The following DPY19L3 variants were observed in gnomAD, a reference collection of about 807,000 sequenced individuals.
The protein encoded by DPY19L3 is dpy-19 like C-mannosyltransferase 3.
In DPY19L3, 51 loss-of-function variants were observed where a neutral mutation model predicts 92.3. The observed-to-expected ratio is 0.55, with a 90% CI of 0.44 to 0.70. DPY19L3 has a LOEUF of 0.70. DPY19L3 is among the 30% of genes least tolerant of loss of function. The probability of loss-of-function intolerance (pLI) is 0.00; values close to 1 mark genes in which losing one functional copy is unlikely to be tolerated. For synonymous variants in DPY19L3, 309 were observed against 315.2 expected, an observed-to-expected ratio of 0.98 and a Z score of 0.21; for missense variants, 706 against 855.9, an observed-to-expected ratio of 0.82 and a Z score of 2.18.
intron 3 of DPY19L3, among the ~76,000 whole-genome samples, chr19:32,418,922 A>G (rs1968467707): frequency 6.6e-6 from 1 of 152,162 alleles, no homozygotes; most frequent in African/African-American, 2.4e-5. Flanking sequence ...CTGAAATAGC[A>G]ACTGGAAAGT....
intron 3 of DPY19L3, chr19:32,411,766 G>A: frequency 5.0e-6 from 1 of 201,644 alleles, no homozygotes; most frequent in Non-Finnish European, 9.8e-6. Flanking sequence ...CGGGGTTTCA[G>A]CATATTGACC....
In DPY19L3 at chr19:32,439,998, T is replaced by C. The variant is rs373461582; in HGVS notation, c.855+88T>C. On this transcript the variant is annotated intron_variant, in intron 8 of 18. Coordinates refer to ENST00000392250, the MANE Select transcript of DPY19L3 (RefSeq NM_001172774.2). ...TGAGATGAAAATATGCAAGTACTTA[T>C]GGATAAAATTGAAGCTGTTTCTTAG... 225 of 1,513,252 alleles carry C rather than the reference T, an allele frequency of 1.5e-4. 3 individuals carry two copies. The East Asian group carries it at 3.6e-3, about 24-fold the overall frequency. The allele number at this position is 1,513,252 out of a possible 1,614,324, so 93.7% of individuals were successfully genotyped here.
In DPY19L3 at chr19:32,480,507, C is replaced by T; in HGVS notation, c.1939C>T (p.His647Tyr). Residue 647 changes from histidine (H) to tyrosine (Y), a missense_variant, in exon 18 of 19, where the codon CAC becomes TAC. By Grantham distance (83) the His-to-Tyr change is moderately conservative. Transcript: ENST00000392250. ...AGACAGCATCTGCTACGAGCGGAGG[C>T]ACCGCCGGGGCTGCCGACTCCGGGA... Reference protein sequence around the residue: ...LEDSICYERRHRRGCRLRDLL... With the variant: ...LEDSICYERRYRRGCRLRDLL... 1 of 1,614,214 alleles carries T rather than the reference C, an allele frequency of 6.2e-7. No homozygotes were observed. The highest frequency in any genetic ancestry group is 8.5e-7 in the Non-Finnish European group (1 of 1,180,022).
At chr19:32,409,633 G>A (rs995445632) in intron 2 of DPY19L3, among the ~76,000 whole-genome samples, 7 of 152,240 alleles carry the variant, frequency 4.6e-5, no homozygotes, top group African/African-American at 1.7e-4. Context: ...CATGGCACCA[G>A]CATCTGCCTC....
In DPY19L3 at chr19:32,482,150, CAAAAG is replaced by C; in HGVS notation, c.2065_2069del (p.Arg689ProfsTer50). On this transcript the variant is annotated frameshift_variant, in exon 19 of 19. Coordinates refer to ENST00000392250, the MANE Select transcript of DPY19L3 (RefSeq NM_001172774.2). LOFTEE classifies it high-confidence loss of function. ...ACCACCCTCGCTTCTGTGAAGAGATCAAAAGAAACCTGCCTCCCTACGTGGCCTAC... is the reference window on the plus strand; with the variant it reads ...ACCACCCTCGCTTCTGTGAAGAGATCAAACCTGCCTCCCTACGTGGCCTAC... 6.2e-7 allele frequency: 1 copy of C among 1,613,830 alleles called. No individual in the cohort carries two copies. The highest frequency in any genetic ancestry group is 1.3e-5 in the African/African-American group (1 of 75,002).
At chr19:32,438,471 T>A (rs1351625734) in intron 6 of DPY19L3, among the ~76,000 whole-genome samples, 2 of 152,152 alleles carry the variant, frequency 1.3e-5, no homozygotes, top group Admixed American at 1.3e-4. Context: ...TAGATATAGA[T>A]ACATTGTTTG....
At chr19:32,476,365 C>G (rs192226225) in intron 16 of DPY19L3, among the ~76,000 whole-genome samples, 1 of 152,094 alleles carries the variant, frequency 6.6e-6, no homozygotes, top group Admixed American at 6.5e-5. Flanking sequence ...TTCAGTCCAG[C>G]AGGCACAGAC....
At chr19:32,430,808 T>C (rs13344194) in intron 3 of DPY19L3, among the ~76,000 whole-genome samples, 2 of 122,124 alleles carry the variant, frequency 1.6e-5, no homozygotes, top group Admixed American at 8.1e-5. Flanking sequence ...TTTTTTTTTT[T>C]GTAGAGACAG....
At chr19:32,407,264 T>TCCCCCCCCCCCCCCCCCCC (rs148363125) in intron 1 of DPY19L3, among the ~76,000 whole-genome samples, 6 of 81,316 alleles carry the variant, frequency 7.4e-5, no homozygotes, top group Admixed American at 2.8e-4. Context: ...AGGCTCCTGC[T>TCCCCCCCCCCCCCCCCCCC]CCCCCCCACC....
At chr19:32,433,985 C>G (rs1348895241) in intron 4 of DPY19L3, among the ~76,000 whole-genome samples, 1 of 152,164 alleles carries the variant, frequency 6.6e-6, no homozygotes, top group Non-Finnish European at 1.5e-5. Context: ...TTAGTTGGAA[C>G]TATGTTATAT....
intron 12 of DPY19L3, among the ~76,000 whole-genome samples, chr19:32,462,564 CAAG>C (rs1970073076): frequency 6.6e-6 from 1 of 152,098 alleles, no homozygotes; most frequent in South Asian, 2.1e-4. Context: ...TACAAGTTTA[CAAG>C]AAGCATGAAA....
intron 10 of DPY19L3, among the ~76,000 whole-genome samples, chr19:32,456,031 A>G (rs1171372480): frequency 1.3e-5 from 2 of 151,990 alleles, no homozygotes; most frequent in Non-Finnish European, 2.9e-5. Flanking sequence ...GTTGACTATC[A>G]AAGAAAAAAA....
chr19:32,451,616 A>G (rs1056444488), intron 8 of DPY19L3, among the ~76,000 whole-genome samples: 2 of 152,232 alleles, frequency 1.3e-5, no homozygotes, highest in African/African-American at 2.4e-5. Flanking sequence ...ACTTGTCAGA[A>G]TGAGTATGGC....
At chr19:32,406,687 C>G (rs1053919262) in intron 1 of DPY19L3, among the ~76,000 whole-genome samples, 1 of 152,170 alleles carries the variant, frequency 6.6e-6, no homozygotes, top group Non-Finnish European at 1.5e-5. Context: ...CGCTTCTGGT[C>G]CCTTTTCAGT....
intron 8 of DPY19L3, among the ~76,000 whole-genome samples, chr19:32,448,418 G>A (rs1344962384): frequency 6.6e-6 from 1 of 152,168 alleles, no homozygotes; most frequent in Non-Finnish European, 1.5e-5. Context: ...CCCCCCAGCA[G>A]TTGAAAATCT....
At chr19:32,444,714 A>C (rs1217332184) in intron 8 of DPY19L3, among the ~76,000 whole-genome samples, 2 of 152,040 alleles carry the variant, frequency 1.3e-5, no homozygotes, top group Non-Finnish European at 2.9e-5. Flanking sequence ...ATAAATTTTA[A>C]AAAATTGAAA....
chr19:32,443,839 A>G (rs1011646775), intron 8 of DPY19L3, among the ~76,000 whole-genome samples: 2 of 152,116 alleles, frequency 1.3e-5, no homozygotes, highest in South Asian at 4.2e-4. Flanking sequence ...GCAGGCAGAT[A>G]TTTGAAGTCA....
rs150646430 is a variant in DPY19L3, at chr19:32,420,693, G to A, written c.237+9321G>A. Among the ~76,000 whole-genome samples, 128 of 152,086 alleles carry A rather than the reference G, an allele frequency of 8.4e-4. No individual in the cohort carries two copies. In the East Asian group the frequency reaches 0.021, roughly 25 times the overall value. Reference sequence around the variant, plus strand: ...TCAAACTCCTGACCTCAGGTGTTCCGCCCATCTCTGCCTCCCAAAGTGCTG... The same window carrying A: ...TCAAACTCCTGACCTCAGGTGTTCCACCCATCTCTGCCTCCCAAAGTGCTG... On this transcript the variant is annotated intron_variant, in intron 3 of 18. Transcript: ENST00000392250.
chr19:32,456,114 C>T (rs571243603), intron 10 of DPY19L3, among the ~76,000 whole-genome samples: 6 of 135,244 alleles, frequency 4.4e-5, no homozygotes, highest in East Asian at 2.3e-4. Flanking sequence ...CAGGGTCTCT[C>T]ACCCAGACTG....
Sources: gnomAD v4.1 joint callset for allele counts (sites outside exome capture counted in the v4.1 genomes callset) on GRCh38, gnomAD v4.1.1 for gene constraint, MANE v1.5 for transcripts, NCBI Gene and HGNC (gene_info 2026-07-23, HGNC 2026-07-21) for gene names.